The following ZBTB7C variants were observed in gnomAD, a reference collection of about 807,000 sequenced individuals.
ZBTB7C encodes the protein zinc finger and BTB domain containing 7C, also known as zinc finger and BTB domain-containing protein 7C.
ZBTB7C carries 8 observed loss-of-function variants against 25.7 expected under a neutral mutation model. The observed-to-expected ratio is 0.31, with a 90% CI of 0.18 to 0.56. The LOEUF (loss-of-function observed/expected upper bound fraction) is 0.56, where lower values mean the gene tolerates loss of function less well. Ranked by LOEUF, ZBTB7C falls within the 20% of genes least tolerant of loss-of-function variation. The probability of loss-of-function intolerance (pLI) is 0.91; values close to 1 mark genes in which losing one functional copy is unlikely to be tolerated. For synonymous variants in ZBTB7C, 394 were observed against 369.0 expected, an observed-to-expected ratio of 1.07 and a Z score of -0.78; for missense variants, 824 against 855.2, an observed-to-expected ratio of 0.96 and a Z score of 0.46.
Position 48,192,480 on chromosome 18 carries a change from TTGA to T in ZBTB7C, c.-78-6488_-78-6486del, listed in dbSNP as rs2042219916. On this transcript the variant is annotated intron_variant, in intron 2 of 4. Coordinates refer to ENST00000590800, the MANE Select transcript of ZBTB7C (RefSeq NM_001318841.2). ...TTGATGATGGACTTTATTTTATTGT[TTGA>T]GATGGAGTCTTGCTTTGTCACCCAG... is the stretch of plus-strand genomic sequence containing the variant. 3.3e-5 allele frequency among the ~76,000 whole-genome samples: 5 copies of T among 152,224 alleles called. No homozygotes were observed. In the South Asian group the frequency reaches 1.0e-3, roughly 32 times the overall value.
chr18:48,268,958 CTTTTTTT>C (rs140699441), intron 2 of ZBTB7C, among the ~76,000 whole-genome samples: 4 of 119,004 alleles, frequency 3.4e-5, no homozygotes, highest in East Asian at 4.9e-4. Context: ...TGCTCTGTTT[CTTTTTTT>C]TTTTTTTTTT....
intron 3 of ZBTB7C, among the ~76,000 whole-genome samples, chr18:48,159,280 G>A (rs1453197192): frequency 6.6e-6 from 1 of 152,010 alleles, no homozygotes; most frequent in African/African-American, 2.4e-5. Flanking sequence ...GAATCCCGGT[G>A]GTCTTCTACT....
chr18:48,313,437 T>C (rs1486036130), intron 2 of ZBTB7C, among the ~76,000 whole-genome samples: 1 of 151,904 alleles, frequency 6.6e-6, no homozygotes, highest in African/African-American at 2.4e-5. Flanking sequence ...ATTGTGGGGG[T>C]CAGGCAGCAG....
intron 2 of ZBTB7C, among the ~76,000 whole-genome samples, chr18:48,207,942 T>A (rs1568303179): frequency 6.6e-6 from 1 of 151,756 alleles, no homozygotes; most frequent in East Asian, 1.9e-4. Context: ...TAGAAGATGA[T>A]CATGGCATGA....
chr18:48,107,044 C>A (rs551191885), intron 3 of ZBTB7C, among the ~76,000 whole-genome samples: 1 of 147,954 alleles, frequency 6.8e-6, no homozygotes, highest in Non-Finnish European at 1.5e-5. Context: ...TATCAGGATG[C>A]GGAGTTTACC....
chr18:48,153,948 A>T (rs1345589874), intron 3 of ZBTB7C, among the ~76,000 whole-genome samples: 1 of 152,228 alleles, frequency 6.6e-6, no homozygotes, highest in African/African-American at 2.4e-5. Flanking sequence ...CTCTGAGGAA[A>T]GGGTCAGGAA....
intron 2 of ZBTB7C, among the ~76,000 whole-genome samples, chr18:48,335,532 T>C (rs756883852): frequency 1.3e-5 from 2 of 152,304 alleles, no homozygotes; most frequent in East Asian, 3.9e-4. Flanking sequence ...TGATTCAAGA[T>C]ATCTCTTATT....
chr18:48,158,071 G>A (rs900625860), intron 3 of ZBTB7C, among the ~76,000 whole-genome samples: 2 of 152,112 alleles, frequency 1.3e-5, no homozygotes, highest in African/African-American at 2.4e-5. Flanking sequence ...GGAACACACA[G>A]GCTGGATAAA....
At chr18:48,057,060 A>AAAAC (rs1199819276) in intron 3 of ZBTB7C, among the ~76,000 whole-genome samples, 8 of 151,090 alleles carry the variant, frequency 5.3e-5, no homozygotes, top group African/African-American at 1.9e-4. Context: ...CAAAAAAAAA[A>AAAAC]AAAAAAAAAA....
intron 2 of ZBTB7C, among the ~76,000 whole-genome samples, chr18:48,273,564 T>C (rs2044553294): frequency 1.3e-5 from 2 of 152,124 alleles, no homozygotes; most frequent in Non-Finnish European, 2.9e-5. Flanking sequence ...ATAATAGTTA[T>C]TATATTTTAG....
chr18:48,061,594 C>T (rs979248864), intron 3 of ZBTB7C, among the ~76,000 whole-genome samples: 39 of 152,148 alleles, frequency 2.6e-4, no homozygotes, highest in African/African-American at 8.2e-4. Flanking sequence ...CAAATGCAGA[C>T]GGGATTGGAA....
At chr18:48,269,297 G>C (rs939225656) in intron 2 of ZBTB7C, among the ~76,000 whole-genome samples, 17 of 152,132 alleles carry the variant, frequency 1.1e-4, no homozygotes, top group African/African-American at 4.1e-4. Flanking sequence ...TTCTCACTGT[G>C]TCCTCACATC....
intron 3 of ZBTB7C, among the ~76,000 whole-genome samples, chr18:48,152,872 C>G (rs1233989360): frequency 6.6e-6 from 1 of 152,238 alleles, no homozygotes; most frequent in East Asian, 1.9e-4. Context: ...TACTTCTCAT[C>G]TGGTGGTTTG....
intron 1 of ZBTB7C, among the ~76,000 whole-genome samples, chr18:48,338,772 A>T (rs2046517881): frequency 6.6e-6 from 1 of 152,108 alleles, no homozygotes. Flanking sequence ...CTGTTCCATC[A>T]CCCCAGGAAA....
chr18:48,166,900 G>C (rs1054917542), intron 3 of ZBTB7C, among the ~76,000 whole-genome samples: 1 of 152,128 alleles, frequency 6.6e-6, no homozygotes, highest in Admixed American at 6.5e-5. Context: ...TTACTGGCGG[G>C]GGGGAAGCTC....
intron 1 of ZBTB7C, among the ~76,000 whole-genome samples, chr18:48,344,644 C>T (rs566062317): frequency 2.3e-3 from 355 of 152,232 alleles, no homozygotes; most frequent in African/African-American, 7.7e-3. Flanking sequence ...AGTAGGAGAA[C>T]GCTTTATGAA....
At chr18:48,146,279 AATT>A (rs1208441540) in intron 3 of ZBTB7C, among the ~76,000 whole-genome samples, 2 of 152,216 alleles carry the variant, frequency 1.3e-5, no homozygotes, top group African/African-American at 4.8e-5. Flanking sequence ...TCTGACTAAT[AATT>A]GTTTCCAAAA....
chr18:48,295,831 G>A (rs1161606433), intron 2 of ZBTB7C, among the ~76,000 whole-genome samples: 1 of 152,186 alleles, frequency 6.6e-6, no homozygotes, highest in East Asian at 1.9e-4. Context: ...GCAGCAGGAG[G>A]GGGGCAGTCG....
chr18:48,037,942 C>G (rs2144126183), intron 4 of ZBTB7C, among the ~76,000 whole-genome samples: 1 of 152,342 alleles, frequency 6.6e-6, no homozygotes, highest in African/African-American at 2.4e-5. Flanking sequence ...GATGGGTGAG[C>G]TGTACTTGAA....
Sources: gnomAD v4.1 joint callset for allele counts (sites outside exome capture counted in the v4.1 genomes callset) on GRCh38, gnomAD v4.1.1 for gene constraint, MANE v1.5 for transcripts, NCBI Gene and HGNC (gene_info 2026-07-23, HGNC 2026-07-21) for gene names.